LAMA1: variants seen among roughly 807,000 people sequenced by gnomAD.
LAMA1 encodes the protein laminin subunit alpha 1.
LAMA1 carries 219 observed loss-of-function variants against 348.7 expected under a neutral mutation model. The ratio of observed to expected loss-of-function variants is 0.63; its 90% confidence interval spans 0.56 to 0.70. The LOEUF is 0.70. Among genes scored for constraint, LAMA1 ranks in the 30% least tolerant of loss-of-function variants. The pLI, the probability that LAMA1 is intolerant of heterozygous loss-of-function variation, is 0.00. For synonymous variants in LAMA1, 1,487 were observed against 1,491.0 expected (o/e 1.00, Z 0.06); for missense variants, 3,744 against 3,888.0 (o/e 0.96, Z 0.99).
rs1334642228 is a variant in LAMA1 at position 7,032,117 on chromosome 18, G to A, written c.2223C>T (p.Pro741=). 5.6e-6 allele frequency: 9 copies of A among 1,614,082 alleles called. No individual in the cohort carries two copies. Among genetic ancestry groups the A allele is most frequent in the Non-Finnish European group, 7.6e-6 (9 of 1,180,046 alleles). ...DGILFGGICQ[P]CECHGHAAEC... Reference sequence around the variant, plus strand: ...CAGCTGCATGGCCGTGGCATTCACAGGGTTGACAAATTCCTCCAAAGAGTA... The same window carrying A: ...CAGCTGCATGGCCGTGGCATTCACAAGGTTGACAAATTCCTCCAAAGAGTA... The change falls in exon 16 of 63, where the codon CCC becomes CCT. Residue 741 remains proline (P), a synonymous_variant. Transcript: ENST00000389658.
At chr18:7,074,967 CAAAAAAAAAAAAAAAAAAAAA>C (rs773818069) in intron 3 of LAMA1, among the ~76,000 whole-genome samples, 12 of 52,264 alleles carry the variant, frequency 2.3e-4, no homozygotes, top group African/African-American at 8.7e-4. Flanking sequence ...TACATAGAGG[CAAAAAAAAAAAAAAAAAAAAA>C]AAAAAAAAAA....
intron 14 of LAMA1, among the ~76,000 whole-genome samples, chr18:7,033,949 T>C (rs2144165760): frequency 6.6e-6 from 1 of 152,256 alleles, no homozygotes; most frequent in African/African-American, 2.4e-5. Flanking sequence ...TTGGCCAGGC[T>C]GGTCTCAAAC....
In LAMA1 at chr18:6,948,655, A is replaced by G; in HGVS notation, c.8557-99T>C. 3 of 1,332,788 alleles carry G rather than the reference A, an allele frequency of 2.3e-6. No individual in the cohort carries two copies. The South Asian group carries it at 3.8e-5, about 17-fold the overall frequency. 82.6% of individuals were successfully genotyped at this position (1,332,788 alleles called of 1,614,324 possible). A position where few individuals can be genotyped will look rare whatever the true frequency, so the allele number is the denominator to read the frequency against. The stretch of plus-strand genomic sequence containing the variant: ...TTCATCAGACTGGTCTCAGCAAAAC[A>G]CATTAAAATGTAATCTTTTTGTTTT... On this transcript the variant is annotated intron_variant, in intron 59 of 62. Coordinates refer to ENST00000389658, the MANE Select transcript of LAMA1 (RefSeq NM_005559.4).
chr18:6,961,634 G>A lies in LAMA1; in HGVS notation c.7578C>T (p.Ala2526=), dbSNP rs749259649. Residue 2526 remains alanine (A), a synonymous_variant, in exon 53 of 63, where the codon GCC becomes GCT. Coordinates refer to ENST00000389658, the MANE Select transcript of LAMA1 (RefSeq NM_005559.4). The part of the protein sequence containing the change: ...TTNSSGIILA[A]LGGDVEKRGD... ...CCCGCTTCTCCACATCCCCGCCGAGGGCAGCCAGGATGATGCCACTGCTGT... is the reference window on the plus strand; with the variant it reads ...CCCGCTTCTCCACATCCCCGCCGAGAGCAGCCAGGATGATGCCACTGCTGT... 1.2e-6 allele frequency: 2 copies of A among 1,613,956 alleles called. No homozygotes were observed. The highest frequency in any genetic ancestry group is 1.7e-6 in the Non-Finnish European group (2 of 1,180,040).
rs1442435915 is a variant in LAMA1, at chr18:6,999,429, G to C, written c.4663+16C>G. ...AGGAAAAACCATCTTTACACATTTA[G>C]AGGAGAAATACTCACAAACACAATC... On this transcript the variant is annotated intron_variant, in intron 32 of 62. Transcript: ENST00000389658. 2 of 1,613,758 alleles carry C rather than the reference G, an allele frequency of 1.2e-6. No individual in the cohort carries two copies. The highest frequency in any genetic ancestry group is 4.5e-5 in the East Asian group (2 of 44,894).
At chr18:7,002,060 T>G (rs2057809926) in intron 30 of LAMA1, among the ~76,000 whole-genome samples, 3 of 152,214 alleles carry the variant, frequency 2.0e-5, no homozygotes, top group African/African-American at 4.8e-5. Context: ...CATCCAAACA[T>G]CCAATACCAA....
rs75834184 is a variant in LAMA1 at position 7,019,009 on chromosome 18, G to A, written c.2702-1625C>T. Among the ~76,000 whole-genome samples, 1,034 of 152,136 alleles carry A rather than the reference G, an allele frequency of 6.8e-3. 14 individuals carry two copies. Among genetic ancestry groups the A allele is most frequent in the African/African-American group, 0.022 (930 of 41,508 alleles). On this transcript the variant is annotated intron_variant, in intron 19 of 62. Coordinates refer to ENST00000389658, the MANE Select transcript of LAMA1 (RefSeq NM_005559.4). The stretch of plus-strand genomic sequence containing the variant: ...TTCAGGGACTTGCTCCATCAACCCC[G>A]TAGCTGGACCGTGCGGACTCTGCTG...
intron 3 of LAMA1, among the ~76,000 whole-genome samples, chr18:7,051,219 T>C (rs982090068): frequency 1.3e-5 from 2 of 152,188 alleles, no homozygotes; most frequent in Admixed American, 6.5e-5. Context: ...AAAGGGTAGA[T>C]CTTAAGTATG....
intron 33 of LAMA1, among the ~76,000 whole-genome samples, chr18:6,996,316 G>A (rs182934119): frequency 1.3e-5 from 2 of 152,034 alleles, no homozygotes; most frequent in East Asian, 3.9e-4. Context: ...ATAAACACAC[G>A]CACACACCTA....
chr18:7,106,612 C>A (rs1183880427), intron 1 of LAMA1, among the ~76,000 whole-genome samples: 6 of 152,002 alleles, frequency 3.9e-5, no homozygotes, highest in African/African-American at 1.4e-4. Flanking sequence ...CCCGCCTTGG[C>A]CCCTCCCAAA....
rs200733364 is a variant in LAMA1, at chr18:7,014,025, C to T, written c.3153G>A (p.Ser1051=). 5.0e-5 allele frequency: 80 copies of T among 1,613,844 alleles called. No homozygotes were observed. The highest frequency in any genetic ancestry group is 1.2e-4 in the Admixed American group (7 of 59,984). Residue 1051 remains serine, a synonymous_variant, in exon 23 of 63, where the codon TCG becomes TCA. Transcript: ENST00000389658. ...TGACCACATCGCACCGATGATGAGT[C>T]GACCCCACGAGACTGCAATTGCAGG... ...CQACNCSLVG[S]THHRCDVVTG...
chr18:6,989,673 G>A (rs1017280791), intron 36 of LAMA1, among the ~76,000 whole-genome samples: 3 of 152,068 alleles, frequency 2.0e-5, no homozygotes, highest in African/African-American at 7.2e-5. Flanking sequence ...CTCGCCAATA[G>A]GGGAGGGTCA....
At position 6,986,392 on chromosome 18, in the gene LAMA1, A is replaced by G. The variant is rs1277686441; in HGVS notation, c.5169-45T>C. On this transcript the variant is annotated intron_variant, in intron 36 of 62. Transcript: ENST00000389658. ...CACATAGTAAGTAAATGAACAACAA[A>G]GCTCCTATCTCTGAAATAATAGTGG... 1.9e-6 allele frequency: 3 copies of G among 1,575,612 alleles called. No homozygotes were observed. The East Asian group carries it at 6.7e-5, about 35-fold the overall frequency.
intron 1 of LAMA1, among the ~76,000 whole-genome samples, chr18:7,088,178 C>T (rs558415076): frequency 4.5e-4 from 68 of 152,302 alleles, no homozygotes; most frequent in African/African-American, 1.6e-3. Context: ...CTCAGGGGCT[C>T]GTCAAGGCAT....
At chr18:6,969,000 A>C (rs1456796685) in intron 48 of LAMA1, among the ~76,000 whole-genome samples, 1 of 152,218 alleles carries the variant, frequency 6.6e-6, no homozygotes, top group Non-Finnish European at 1.5e-5. Context: ...GTTCTTGTCT[A>C]ACAGGAGAAG....
intron 1 of LAMA1, among the ~76,000 whole-genome samples, chr18:7,086,655 G>A (rs1322656783): frequency 2.6e-5 from 4 of 152,190 alleles, no homozygotes; most frequent in East Asian, 1.9e-4. Context: ...TGTCTGGCTC[G>A]CGTGAATGAC....
chr18:6,976,408 T>C (rs2057682458), intron 44 of LAMA1, among the ~76,000 whole-genome samples: 1 of 152,196 alleles, frequency 6.6e-6, no homozygotes, highest in Admixed American at 6.5e-5. Context: ...AAGAGGGTAT[T>C]TGATAATCAT....
chr18:7,003,519 A>T (rs1444142599), intron 29 of LAMA1, among the ~76,000 whole-genome samples: 1 of 152,090 alleles, frequency 6.6e-6, no homozygotes, highest in Non-Finnish European at 1.5e-5. Flanking sequence ...CGGCCTCCCA[A>T]AGTGCTGGGA....
At chr18:7,115,352 C>T (rs533309381) in intron 1 of LAMA1, among the ~76,000 whole-genome samples, 1 of 152,130 alleles carries the variant, frequency 6.6e-6, no homozygotes, top group East Asian at 1.9e-4. Context: ...TATGTGATTG[C>T]CAGCTATGAA....
Sources: gnomAD v4.1 joint callset for allele counts (sites outside exome capture counted in the v4.1 genomes callset) on GRCh38, gnomAD v4.1.1 for gene constraint, MANE v1.5 for transcripts, NCBI Gene and HGNC (gene_info 2026-07-23, HGNC 2026-07-21) for gene names.